Variants in MAP6 observed in about 807,000 individuals in gnomAD.
MAP6 encodes microtubule-associated protein 6.
In MAP6, 26 loss-of-function variants were observed where a neutral mutation model predicts 42.4. The ratio of observed to expected loss-of-function variants is 0.61; its 90% CI spans 0.45 to 0.85. The LOEUF (loss-of-function observed/expected upper bound fraction) is 0.85. MAP6 is among the 40% of genes least tolerant of loss of function. The probability of loss-of-function intolerance (pLI) is 0.00; values close to 1 mark genes in which losing one functional copy is unlikely to be tolerated. For missense variants in MAP6, 966 were observed against 1,099.0 expected, an observed-to-expected ratio of 0.88 and a Z score of 1.71; for synonymous variants, 418 against 443.8, an observed-to-expected ratio of 0.94 and a Z score of 0.73.
At chr11:75,647,529 C>T (rs372977925) in intron 1 of MAP6, among the ~76,000 whole-genome samples, 112 of 152,044 alleles carry the variant, frequency 7.4e-4, no homozygotes, top group African/African-American at 2.7e-3. Context: ...GACATAACAA[C>T]GCTGTTCCTA....
At position 75,634,836 on chromosome 11, in the gene MAP6, CTG is replaced by C. The variant is rs1277187026; in HGVS notation, c.906-26516_906-26515del. On this transcript the variant is annotated intron_variant, in intron 1 of 3. Coordinates refer to ENST00000304771, the MANE Select transcript of MAP6 (RefSeq NM_033063.2). ...AATGAGTGTTTAAGGGCTATTAAAACTGTGTTTGTCATCTATAATCTGGCAGC... is the reference window on the plus strand; with the variant it reads ...AATGAGTGTTTAAGGGCTATTAAAACTGTTTGTCATCTATAATCTGGCAGC... Among the ~76,000 whole-genome samples, 5 of 152,262 alleles carry C rather than the reference CTG, an allele frequency of 3.3e-5. No individual in the cohort carries two copies. In the East Asian group the frequency reaches 9.6e-4, roughly 29 times the overall value.
intron 1 of MAP6, among the ~76,000 whole-genome samples, chr11:75,652,204 C>T (rs1943657918): frequency 1.3e-5 from 2 of 152,082 alleles, no homozygotes; most frequent in African/African-American, 2.4e-5. Context: ...TGCATCTTAG[C>T]CTGCAAAGCC....
At chr11:75,628,909 G>T (rs1436805547) in intron 1 of MAP6, among the ~76,000 whole-genome samples, 1 of 152,162 alleles carries the variant, frequency 6.6e-6, no homozygotes, top group Non-Finnish European at 1.5e-5. Flanking sequence ...TTTAATAATA[G>T]ATTTGCTTGA....
chr11:75,605,580 T>G (rs1168378598), intron 3 of MAP6: 1 of 1,325,678 alleles, frequency 7.5e-7, no homozygotes, highest in East Asian at 3.4e-5. Context: ...CAACGCTTCC[T>G]GGTGCTCCAG....
intron 3 of MAP6, chr11:75,603,341 G>A: frequency 1.0e-6 from 1 of 985,814 alleles, no homozygotes. Flanking sequence ...CACTGCTTGT[G>A]GAACCAAAAT....
intron 1 of MAP6, among the ~76,000 whole-genome samples, chr11:75,648,259 C>T (rs1943594134): frequency 6.6e-6 from 1 of 152,180 alleles, no homozygotes; most frequent in Admixed American, 6.5e-5. Flanking sequence ...TTTGGGAGGC[C>T]AAGGCAGGTG....
intron 1 of MAP6, among the ~76,000 whole-genome samples, chr11:75,664,023 G>A (rs1943901563): frequency 6.6e-6 from 1 of 152,112 alleles, no homozygotes; most frequent in African/African-American, 2.4e-5. Flanking sequence ...TTATCTGATG[G>A]CCAGGGCAAT....
intron 1 of MAP6, among the ~76,000 whole-genome samples, chr11:75,647,066 C>G (rs1374327007): frequency 1.3e-5 from 2 of 151,248 alleles, no homozygotes; most frequent in Non-Finnish European, 2.9e-5. Flanking sequence ...CTGCACCCTC[C>G]GCCTCCCAGG....
intron 1 of MAP6, among the ~76,000 whole-genome samples, chr11:75,641,339 TG>T (rs1262933105): frequency 4.0e-5 from 2 of 49,912 alleles, no homozygotes; most frequent in African/African-American, 8.1e-5. Context: ...TGTTGTGGGG[TG>T]GGGGGAGGGG....
chr11:75,626,372 C>T (rs1943194717), intron 1 of MAP6, among the ~76,000 whole-genome samples: 1 of 152,166 alleles, frequency 6.6e-6, no homozygotes, highest in African/African-American at 2.4e-5. Flanking sequence ...AGGGACCACA[C>T]ACTGGAGCTC....
intron 1 of MAP6, among the ~76,000 whole-genome samples, chr11:75,655,238 T>C (rs1008546800): frequency 6.6e-6 from 1 of 152,182 alleles, no homozygotes; most frequent in Non-Finnish European, 1.5e-5. Flanking sequence ...ATCAAATAAA[T>C]CCAACCTAAT....
intron 3 of MAP6, among the ~76,000 whole-genome samples, chr11:75,595,978 T>A (rs1210758049): frequency 1.3e-5 from 2 of 152,216 alleles, no homozygotes; most frequent in African/African-American, 2.4e-5. Context: ...GTAGGAGGCC[T>A]ACTTTCTCAA....
At chr11:75,594,263 GC>G (rs1433976913) in intron 3 of MAP6, 2 of 152,080 alleles carry the variant, frequency 1.3e-5, no homozygotes, top group South Asian at 2.1e-4. Flanking sequence ...GCACCACAGG[GC>G]CCCTGGCAGA....
chr11:75,668,058 C>T lies in MAP6; in HGVS notation c.312G>A (p.Pro104=), dbSNP rs1003153118. ...TGGAGCCGGAGCCCAGGCCCGGGCC[C>T]GGCCCGCTCCGGCCGGGGCCCGCCG... ...EPAAGPGRSG[P]GPGLGSGSTS... The change falls in exon 1 of 4, where the codon CCG becomes CCA. Residue 104 remains proline, a synonymous_variant. Coordinates refer to ENST00000304771, the MANE Select transcript of MAP6 (RefSeq NM_033063.2). 4.9e-6 allele frequency: 6 copies of T among 1,226,606 alleles called. No individual in the cohort carries two copies. Among genetic ancestry groups the T allele is most frequent in the Admixed American group, 4.3e-5 (1 of 23,022 alleles). 76.0% of individuals were successfully genotyped at this position (1,226,606 alleles called of 1,614,324 possible).
chr11:75,659,209 C>T (rs1441388092), intron 1 of MAP6, among the ~76,000 whole-genome samples: 4 of 152,298 alleles, frequency 2.6e-5, no homozygotes, highest in African/African-American at 7.2e-5. Flanking sequence ...GGGCTGAGCG[C>T]GGTGGCTCAT....
In MAP6 at chr11:75,667,488, C is replaced by A. The variant is rs761950920; in HGVS notation, c.882G>T (p.Ala294=). 2.0e-6 allele frequency: 3 copies of A among 1,509,550 alleles called. No homozygotes were observed. Among genetic ancestry groups the A allele is most frequent in the South Asian group, 1.2e-5 (1 of 81,874 alleles). 93.5% of individuals were successfully genotyped at this position (1,509,550 alleles called of 1,614,324 possible). A position where few individuals can be genotyped will look rare whatever the true frequency, so the allele number is the denominator to read the frequency against. The change falls in exon 1 of 4, where the codon GCG becomes GCT. Residue 294 remains alanine, a synonymous_variant. Transcript: ENST00000304771. This position sits in a 1 kb window ranked among gnomAD's most constrained non-coding sequence, Gnocchi z 5.6. Reference sequence around the variant, plus strand: ...ACCTGTAGGAGCTGCTCACTGCACTCGCCACCTCCTCGCGGATTTGCCGGT... The same window carrying A: ...ACCTGTAGGAGCTGCTCACTGCACTAGCCACCTCCTCGCGGATTTGCCGGT... The part of the protein sequence containing the change: ...ALNRQIREEV[A]SAVSSSYRNE...
At chr11:75,622,832 G>A (rs775414151) in intron 1 of MAP6, among the ~76,000 whole-genome samples, 1 of 152,196 alleles carries the variant, frequency 6.6e-6, no homozygotes, top group East Asian at 1.9e-4. Flanking sequence ...TTTGCATACA[G>A]AAGTGTGCTA....
In MAP6 at chr11:75,602,713, G is replaced by A. The variant is rs534557499; in HGVS notation, c.1316+3095C>T. ...GACTGCTTGCCAATAGTATCTGAGA[G>A]GCAATCTAAAAGAGTCAAGCTGCAT... On this transcript the variant is annotated intron_variant, in intron 3 of 3. Coordinates refer to ENST00000304771, the MANE Select transcript of MAP6 (RefSeq NM_033063.2). The A allele has an allele frequency of 2.8e-5, 16 of 565,064 alleles. No homozygotes were observed. In the South Asian group the frequency reaches 1.2e-3, roughly 41 times the overall value. The allele number at this position is 565,064 out of a possible 1,614,324, so 35.0% of individuals were successfully genotyped here.
In MAP6 at chr11:75,587,972, G is replaced by T; in HGVS notation, c.1529C>A (p.Thr510Lys). The change falls in exon 4 of 4, where the codon ACG (threonine) becomes AAG (lysine). Residue 510 changes from threonine to lysine, a missense_variant. Physicochemically the swap from Thr to Lys is moderately conservative, Grantham distance 78. Transcript: ENST00000304771. ...TTCATTCTTTAAAGGCTCAGGGACC[G>T]TGTGATCTTGATCCTTGACTGGTAA... Reference protein sequence around the residue: ...IPLPVKDQDHTVPEPLKNESP... With the variant: ...IPLPVKDQDHKVPEPLKNESP... The T allele has an allele frequency of 6.2e-7, 1 of 1,614,068 alleles. No individual in the cohort carries two copies.
Sources: allele counts gnomAD v4.1 joint callset (sites outside exome capture counted in the v4.1 genomes callset), GRCh38; gene constraint gnomAD v4.1.1; non-coding constraint Gnocchi (gnomAD v3.1); transcripts MANE v1.5; gene names NCBI Gene and HGNC (gene_info 2026-07-23, HGNC 2026-07-21).